The following ARHGAP28 variants were observed in gnomAD, a reference collection of about 807,000 sequenced individuals.
ARHGAP28 encodes the protein rho GTPase-activating protein 28.
In ARHGAP28, 56 loss-of-function variants were observed where a neutral mutation model predicts 90.7. That is an observed-to-expected ratio of 0.62 (90% CI 0.50 to 0.77). The LOEUF is 0.77. Ranked by LOEUF, ARHGAP28 falls within the 30% of genes least tolerant of loss-of-function variation. ARHGAP28 has a pLI of 0.00. For synonymous variants in ARHGAP28, 308 were observed against 323.3 expected (o/e 0.95, Z 0.51); for missense variants, 869 against 900.9 (o/e 0.96, Z 0.45).
Position 6,912,319 on chromosome 18 carries a change from G to A in ARHGAP28, c.*165G>A, listed in dbSNP as rs1238786143. The A allele has an allele frequency of 2.6e-6, 1 of 389,808 alleles. No homozygotes were observed. The highest frequency in any genetic ancestry group is 4.6e-6 in the Non-Finnish European group (1 of 217,638). 24.1% of individuals were successfully genotyped at this position (389,808 alleles called of 1,614,324 possible). On this transcript the variant is annotated 3_prime_UTR_variant, in exon 18 of 18. Coordinates refer to ENST00000383472, the MANE Select transcript of ARHGAP28 (RefSeq NM_001366230.1). ...AAGCATGAACTATGGAAGAGGCGCC[G>A]GTTCACCAATTCAACTGAAGCTTTC...
intron 3 of ARHGAP28, among the ~76,000 whole-genome samples, chr18:6,846,401 T>G (rs992300407): frequency 6.6e-6 from 1 of 152,186 alleles, no homozygotes; most frequent in Admixed American, 6.5e-5. Context: ...CCTAAGAGTC[T>G]GCTGAGTGGT....
intron 2 of ARHGAP28, among the ~76,000 whole-genome samples, chr18:6,828,730 A>G (rs1313343919): frequency 6.6e-6 from 1 of 152,212 alleles, no homozygotes; most frequent in Non-Finnish European, 1.5e-5. Context: ...AGAGTGGGGA[A>G]TAAGCACCAA....
At chr18:6,814,184 A>G (rs989574910) in intron 1 of ARHGAP28, among the ~76,000 whole-genome samples, 2 of 152,138 alleles carry the variant, frequency 1.3e-5, no homozygotes, top group African/African-American at 2.4e-5. Flanking sequence ...ATAAGTTTGT[A>G]CTTGTGTTTC....
intron 1 of ARHGAP28, among the ~76,000 whole-genome samples, chr18:6,769,408 C>T (rs2056225046): frequency 6.6e-6 from 1 of 152,202 alleles, no homozygotes; most frequent in African/African-American, 2.4e-5. Context: ...TTTTCTTTCT[C>T]CTTTGCATGT....
chr18:6,733,612 T>G (rs545385337), intron 1 of ARHGAP28, among the ~76,000 whole-genome samples: 1 of 152,326 alleles, frequency 6.6e-6, no homozygotes, highest in Non-Finnish European at 1.5e-5. Flanking sequence ...GGCTATTACT[T>G]TTCAGTAGCA....
At chr18:6,875,967 C>T (rs1214347023) in intron 9 of ARHGAP28, among the ~76,000 whole-genome samples, 164 bp from the exon 10 acceptor site, 3 of 152,134 alleles carry the variant, frequency 2.0e-5, no homozygotes, top group East Asian at 1.9e-4. Context: ...CGGAGGATAA[C>T]GTTGACGTCA....
chr18:6,869,402 A>G (rs1250977801), intron 6 of ARHGAP28, among the ~76,000 whole-genome samples: 1 of 151,816 alleles, frequency 6.6e-6, no homozygotes, highest in Non-Finnish European at 1.5e-5. Flanking sequence ...CTGGAATTAC[A>G]GGTGCCTGCC....
chr18:6,873,837 G>A, intron 9 of ARHGAP28, 62 bp downstream of exon 9: 5 of 1,346,520 alleles, frequency 3.7e-6, no homozygotes, highest in African/African-American at 1.5e-5. Flanking sequence ...TTGGCACTTT[G>A]TAAACCCACA....
chr18:6,828,035 C>G (rs560062812), intron 2 of ARHGAP28, among the ~76,000 whole-genome samples: 10 of 152,028 alleles, frequency 6.6e-5, no homozygotes, highest in African/African-American at 2.4e-4. Context: ...GCCGAGATCA[C>G]GCCACTGCAC....
intron 1 of ARHGAP28, among the ~76,000 whole-genome samples, chr18:6,746,263 C>T (rs2056022432): frequency 6.6e-6 from 1 of 152,148 alleles, no homozygotes. Flanking sequence ...CCTCAGTGCA[C>T]ATAATTTAGA....
chr18:6,837,330 C>G lies in ARHGAP28; in HGVS notation c.459C>G (p.Tyr153Ter). 4 of 1,613,796 alleles carry G rather than the reference C, an allele frequency of 2.5e-6. No individual in the cohort carries two copies. The highest frequency in any genetic ancestry group is 2.5e-6 in the Non-Finnish European group (3 of 1,179,982). Residue 153 changes from tyrosine (Y) to a stop codon, truncating the protein, a stop_gained, in exon 3 of 18, where the codon TAC becomes TAG. Transcript: ENST00000383472. LOFTEE classifies it high-confidence loss of function. ...RTQAAAVQKR[Y>*]HTYTQTMRKK... ...AAGCAGCTGCCGTGCAAAAGAGATACCATACCTATACCCAAACCATGAGGA... is the reference window on the plus strand; with the variant it reads ...AAGCAGCTGCCGTGCAAAAGAGATAGCATACCTATACCCAAACCATGAGGA...
intron 1 of ARHGAP28, among the ~76,000 whole-genome samples, chr18:6,812,501 G>T (rs1413571429): frequency 6.6e-6 from 1 of 152,164 alleles, no homozygotes; most frequent in African/African-American, 2.4e-5. Context: ...GAGCGGACAG[G>T]AAGGCTTAGG....
chr18:6,839,465 G>T (rs1234397162), intron 3 of ARHGAP28, among the ~76,000 whole-genome samples: 3 of 151,874 alleles, frequency 2.0e-5, no homozygotes, highest in Non-Finnish European at 4.4e-5. Flanking sequence ...GGCTAATTTT[G>T]TTTTTCTATT....
chr18:6,870,557 T>A (rs779195127), intron 6 of ARHGAP28, 33 bp from the exon 7 acceptor site: 3 of 1,564,110 alleles, frequency 1.9e-6, no homozygotes, highest in Non-Finnish European at 2.6e-6. Context: ...AAATAGCATA[T>A]TAAATAGTCT....
chr18:6,836,209 A>T (rs953750952), intron 2 of ARHGAP28: 1 of 152,370 alleles, frequency 6.6e-6, no homozygotes, highest in African/African-American at 2.4e-5. Context: ...AGCAAAACAC[A>T]TGAAATAAGA....
chr18:6,810,277 G>A (rs2056547291), intron 1 of ARHGAP28, among the ~76,000 whole-genome samples: 1 of 152,106 alleles, frequency 6.6e-6, no homozygotes, highest in African/African-American at 2.4e-5. Context: ...TTGCCTTCAG[G>A]AGAGGGCACC....
chr18:6,911,007 G>A (rs2143882546), intron 17 of ARHGAP28, among the ~76,000 whole-genome samples: 1 of 152,080 alleles, frequency 6.6e-6, no homozygotes, highest in South Asian at 2.1e-4. Context: ...ACCACGCCCG[G>A]CTAATTTTGC....
intron 5 of ARHGAP28, among the ~76,000 whole-genome samples, chr18:6,863,235 G>C (rs903729778): frequency 1.3e-5 from 2 of 151,850 alleles, no homozygotes; most frequent in African/African-American, 4.8e-5. Context: ...TCATCATTAA[G>C]GAGAGTATTT....
chr18:6,889,857 AATTGT>A, intron 12 of ARHGAP28, 26 bp from the exon 13 acceptor site: 1 of 1,606,566 alleles, frequency 6.2e-7, no homozygotes, highest in Non-Finnish European at 8.5e-7. Context: ...GACAGTGTAC[AATTGT>A]ATGACACAAT....
Sources: allele counts gnomAD v4.1 joint callset (sites outside exome capture counted in the v4.1 genomes callset), GRCh38; gene constraint gnomAD v4.1.1; transcripts MANE v1.5; gene names NCBI Gene and HGNC (gene_info 2026-07-23, HGNC 2026-07-21).